DGKI: variants seen among roughly 807,000 people sequenced by gnomAD.
The protein encoded by DGKI is DAG kinase iota.
A neutral mutation model predicts 147.5 loss-of-function variants in DGKI; 55 were observed. The ratio of observed to expected loss-of-function variants is 0.37; its 90% CI spans 0.30 to 0.47. The LOEUF (loss-of-function observed/expected upper bound fraction) is 0.47, where lower values mean the gene tolerates loss of function less well. DGKI is among the 20% of genes least tolerant of loss of function. The probability of loss-of-function intolerance (pLI) is 1.00; values close to 1 mark genes in which losing one functional copy is unlikely to be tolerated. For missense variants in DGKI, 1,007 were observed against 1,323.8 expected, an observed-to-expected ratio of 0.76 and a Z score of 3.71; for synonymous variants, 469 against 477.1, an observed-to-expected ratio of 0.98 and a Z score of 0.22.
intron 19 of DGKI, among the ~76,000 whole-genome samples, chr7:137,569,588 G>A (rs544348044): frequency 6.6e-6 from 1 of 151,218 alleles, no homozygotes; most frequent in Non-Finnish European, 1.5e-5. Flanking sequence ...AATTAGCCGG[G>A]CGTGGTGGTG....
chr7:137,725,802 T>A (rs1794700383), intron 1 of DGKI, among the ~76,000 whole-genome samples: 1 of 152,128 alleles, frequency 6.6e-6, no homozygotes, highest in African/African-American at 2.4e-5. Flanking sequence ...GAGACCAAAT[T>A]GGGAGTTTTA....
intron 1 of DGKI, among the ~76,000 whole-genome samples, chr7:137,757,520 G>A (rs1301677565): frequency 6.6e-6 from 1 of 152,048 alleles, no homozygotes; most frequent in African/African-American, 2.4e-5. Context: ...AGTCCCATAC[G>A]GTAAGGAGTC....
At chr7:137,745,378 T>C (rs1388418295) in intron 1 of DGKI, among the ~76,000 whole-genome samples, 2 of 152,216 alleles carry the variant, frequency 1.3e-5, no homozygotes, top group Non-Finnish European at 2.9e-5. Context: ...TATTCAGACA[T>C]GTTTTCCAAG....
chr7:137,391,854 G>C (rs900928563), intron 32 of DGKI, among the ~76,000 whole-genome samples: 1 of 152,170 alleles, frequency 6.6e-6, no homozygotes, highest in Non-Finnish European at 1.5e-5. Context: ...TTCTTTATTG[G>C]TTTCAGACTT....
At chr7:137,579,258 C>T (rs190616368) in intron 15 of DGKI, among the ~76,000 whole-genome samples, 3 of 152,060 alleles carry the variant, frequency 2.0e-5, no homozygotes, top group Admixed American at 2.0e-4. Flanking sequence ...AGTTTAAAGT[C>T]TCACTATGAG....
At chr7:137,512,163 GGCTGTATACTAGAAAGT>G (rs1816601533) in intron 21 of DGKI, among the ~76,000 whole-genome samples, 1 of 152,134 alleles carries the variant, frequency 6.6e-6, no homozygotes, top group African/African-American at 2.4e-5. Context: ...TAAAGAAGTA[GGCTGTATACTAGAAAGT>G]GCCCTGGATT....
At chr7:137,698,209 C>T (rs553186490) in intron 1 of DGKI, among the ~76,000 whole-genome samples, 1 of 151,388 alleles carries the variant, frequency 6.6e-6, no homozygotes, top group Non-Finnish European at 1.5e-5. Context: ...CTGGAAAATA[C>T]CTTGAAATAA....
intron 1 of DGKI, among the ~76,000 whole-genome samples, chr7:137,714,295 T>A (rs1476164274): frequency 6.6e-6 from 1 of 152,216 alleles, no homozygotes; most frequent in Non-Finnish European, 1.5e-5. Context: ...TTAAAAAAAA[T>A]GTTTAAAAAC....
intron 19 of DGKI, among the ~76,000 whole-genome samples, chr7:137,557,768 T>C (rs1818276274): frequency 6.6e-6 from 1 of 152,104 alleles, no homozygotes; most frequent in African/African-American, 2.4e-5. Context: ...AGGCTCCAAC[T>C]CTCCTGGAGC....
In DGKI at chr7:137,624,183, T is replaced by A. The variant is rs1045298203; in HGVS notation, c.805-629A>T. On this transcript the variant is annotated intron_variant, in intron 6 of 32. Coordinates refer to ENST00000614521, the MANE Select transcript of DGKI (RefSeq NM_001321708.2). ...AATCCTCTTAAAGGAACAAACTGAA[T>A]TACTTTTCCATCCAGAACAGAAGAG... 2.0e-5 allele frequency among the ~76,000 whole-genome samples: 3 copies of A among 152,202 alleles called. No individual in the cohort carries two copies. In the East Asian group the frequency reaches 5.8e-4, roughly 29 times the overall value.
intron 1 of DGKI, among the ~76,000 whole-genome samples, chr7:137,780,727 T>A (rs1361149385): frequency 6.6e-6 from 1 of 152,186 alleles, no homozygotes; most frequent in Non-Finnish European, 1.5e-5. Flanking sequence ...CAAGAAATAA[T>A]TTTTTTAAAA....
intron 1 of DGKI, among the ~76,000 whole-genome samples, chr7:137,828,694 A>G (rs1167558418): frequency 6.6e-6 from 1 of 152,210 alleles, no homozygotes; most frequent in Non-Finnish European, 1.5e-5. Flanking sequence ...ATCCACACAA[A>G]CACACACAGA....
At chr7:137,692,481 T>G (rs781663196) in intron 1 of DGKI, among the ~76,000 whole-genome samples, 3 of 152,224 alleles carry the variant, frequency 2.0e-5, no homozygotes, top group Non-Finnish European at 4.4e-5. Flanking sequence ...CAAAAAAATT[T>G]TTTTAAGAGA....
At chr7:137,397,157 C>T (rs117279706) in intron 31 of DGKI, among the ~76,000 whole-genome samples, 1,573 of 152,332 alleles carry the variant, frequency 0.01, 8 homozygotes, top group Non-Finnish European at 0.016. Flanking sequence ...TGATGATTAG[C>T]GCTGACTATG....
chr7:137,552,278 A>C, intron 20 of DGKI, 91 bp downstream of exon 20: 1 of 1,425,386 alleles, frequency 7.0e-7, no homozygotes, highest in Non-Finnish European at 9.7e-7. Flanking sequence ...TCCTCTTCCC[A>C]ACACAGTGAG....
chr7:137,826,975 C>G (rs1213518960), intron 1 of DGKI, among the ~76,000 whole-genome samples: 1 of 152,180 alleles, frequency 6.6e-6, no homozygotes, highest in African/African-American at 2.4e-5. Context: ...AAGCTTGAGA[C>G]TAGAAACTCA....
intron 19 of DGKI, among the ~76,000 whole-genome samples, chr7:137,566,167 T>A (rs1818578682): frequency 6.6e-6 from 1 of 152,128 alleles, no homozygotes; most frequent in Non-Finnish European, 1.5e-5. Flanking sequence ...CTGGTTATGT[T>A]TTTAATTATA....
intron 6 of DGKI, among the ~76,000 whole-genome samples, chr7:137,641,298 C>T (rs776513906): frequency 6.6e-6 from 1 of 152,144 alleles, no homozygotes; most frequent in Non-Finnish European, 1.5e-5. Flanking sequence ...TGTTTATAAA[C>T]AGCACGAAAA....
intron 6 of DGKI, among the ~76,000 whole-genome samples, chr7:137,644,817 T>C (rs764303288): frequency 1.4e-4 from 21 of 152,148 alleles, no homozygotes; most frequent in Non-Finnish European, 2.6e-4. Flanking sequence ...TCTTTGTACA[T>C]TGGAAAAAGC....
Sources: gnomAD v4.1 joint callset for allele counts (sites outside exome capture counted in the v4.1 genomes callset) on GRCh38, gnomAD v4.1.1 for gene constraint, MANE v1.5 for transcripts, NCBI Gene and HGNC (gene_info 2026-07-23, HGNC 2026-07-21) for gene names.